MICU2: variants seen among roughly 807,000 people sequenced by gnomAD.
MICU2 encodes the protein mitochondrial calcium uptake 2.
A neutral mutation model predicts 60.4 loss-of-function variants in MICU2; 64 were observed. The ratio of observed to expected loss-of-function variants is 1.06; its 90% CI spans 0.87 to 1.31. The LOEUF is 1.31. MICU2 is among the 50% of genes most tolerant of loss of function. The pLI is 0.00. For synonymous variants in MICU2, 201 were observed against 175.0 expected, an observed-to-expected ratio of 1.15 and a Z score of -1.17; for missense variants, 569 against 531.0, an observed-to-expected ratio of 1.07 and a Z score of -0.70.
At chr13:21,517,778 C>T (rs1323226408) in intron 6 of MICU2, among the ~76,000 whole-genome samples, 2 of 90,980 alleles carry the variant, frequency 2.2e-5, no homozygotes, top group African/African-American at 8.2e-5. Context: ...AGGACACACA[C>T]ACACACACAC....
intron 4 of MICU2, among the ~76,000 whole-genome samples, chr13:21,537,469 C>CT (rs60479087): frequency 8.9e-5 from 11 of 124,070 alleles, no homozygotes; most frequent in African/African-American, 1.8e-4. Flanking sequence ...TTCTTTCTTT[C>CT]TTTTTTTTTT....
intron 2 of MICU2, among the ~76,000 whole-genome samples, chr13:21,563,404 A>G (rs936413917): frequency 4.6e-5 from 7 of 152,192 alleles, no homozygotes; most frequent in African/African-American, 1.4e-4. Flanking sequence ...ACAGTGAGCC[A>G]AGATTGCACC....
At chr13:21,556,581 A>C (rs2138026451) in intron 2 of MICU2, among the ~76,000 whole-genome samples, 1 of 152,294 alleles carries the variant, frequency 6.6e-6, no homozygotes, top group Non-Finnish European at 1.5e-5. Context: ...GTTTTAAAGA[A>C]TGAGACAGTG....
At position 21,519,218 on chromosome 13, in the gene MICU2, G is replaced by A. The variant is rs144426087; in HGVS notation, c.597+2027C>T. ...ATTACAGGCATACGCCACCACGCCC[G>A]GCTAATTTTTTGTATTTTTAGTAGA... On this transcript the variant is annotated intron_variant, in intron 6 of 11. Coordinates refer to ENST00000382374, the MANE Select transcript of MICU2 (RefSeq NM_152726.3). Among the ~76,000 whole-genome samples the A allele has an allele frequency of 4.8e-3, 734 of 152,146 alleles. 3 individuals are homozygous for A. Among genetic ancestry groups the A allele is most frequent in the Middle Eastern group, 0.01 (3 of 294 alleles).
intron 1 of MICU2, among the ~76,000 whole-genome samples, chr13:21,581,481 C>G (rs1332208273): frequency 2.0e-5 from 3 of 152,130 alleles, no homozygotes; most frequent in Non-Finnish European, 4.4e-5. Context: ...TCCCTGAAAT[C>G]TGTGTGAAAC....
intron 4 of MICU2, chr13:21,530,975 T>C: frequency 2.6e-6 from 2 of 780,982 alleles, no homozygotes; most frequent in Non-Finnish European, 4.7e-6. Flanking sequence ...AAATATACAC[T>C]CTGGAAATGA....
intron 1 of MICU2, 142 bp from the exon 2 acceptor site, chr13:21,567,086 T>C: frequency 2.9e-6 from 2 of 679,368 alleles, no homozygotes; most frequent in Non-Finnish European, 4.7e-6. Context: ...AAATATTAAC[T>C]GAGTGCCTAC....
At chr13:21,545,146 C>T (rs1887384601) in intron 2 of MICU2, among the ~76,000 whole-genome samples, 1 of 152,168 alleles carries the variant, frequency 6.6e-6, no homozygotes, top group South Asian at 2.1e-4. Flanking sequence ...AGCATGTTTA[C>T]TGCAGCACTA....
intron 2 of MICU2, among the ~76,000 whole-genome samples, chr13:21,561,316 T>C (rs1200363041): frequency 6.6e-6 from 1 of 152,214 alleles, no homozygotes; most frequent in Non-Finnish European, 1.5e-5. Flanking sequence ...TCCAGTTACT[T>C]GGTGGTGCTG....
At chr13:21,494,309 A>G (rs1885937672) in intron 11 of MICU2, among the ~76,000 whole-genome samples, 1 of 151,990 alleles carries the variant, frequency 6.6e-6, no homozygotes, top group South Asian at 2.1e-4. Flanking sequence ...TTTCTTGCCT[A>G]CCTACCAACC....
intron 4 of MICU2, chr13:21,530,599 A>G: frequency 4.2e-6 from 1 of 238,574 alleles, no homozygotes; most frequent in Non-Finnish European, 8.0e-6. Context: ...CAGGCTGATG[A>G]ATTTATCTCC....
At chr13:21,559,704 T>C (rs1364993283) in intron 2 of MICU2, among the ~76,000 whole-genome samples, 1 of 152,072 alleles carries the variant, frequency 6.6e-6, no homozygotes, top group Non-Finnish European at 1.5e-5. Flanking sequence ...TTTCTATTTT[T>C]AGTAGAGACA....
At chr13:21,530,762 T>C (rs1886974862) in intron 4 of MICU2, 6 of 595,762 alleles carry the variant, frequency 1.0e-5, no homozygotes, top group Admixed American at 7.7e-5. Flanking sequence ...ACCCCAGCCA[T>C]ACCCACCACC....
At chr13:21,512,040 G>C (rs979539922) in intron 7 of MICU2, among the ~76,000 whole-genome samples, 4 of 152,166 alleles carry the variant, frequency 2.6e-5, no homozygotes, top group Non-Finnish European at 5.9e-5. Context: ...AATCCCAGGA[G>C]CACAATCACT....
At chr13:21,563,089 T>C (rs962548977) in intron 2 of MICU2, among the ~76,000 whole-genome samples, 1 of 152,230 alleles carries the variant, frequency 6.6e-6, no homozygotes, top group African/African-American at 2.4e-5. Flanking sequence ...ATTCTTACCA[T>C]TGTTTTTCTA....
intron 8 of MICU2, among the ~76,000 whole-genome samples, chr13:21,509,294 T>C (rs1244901752): frequency 6.6e-6 from 1 of 152,180 alleles, no homozygotes; most frequent in Admixed American, 6.5e-5. Context: ...GATAAAGAAA[T>C]GAGCTTAGGG....
intron 8 of MICU2, among the ~76,000 whole-genome samples, chr13:21,504,218 C>T (rs1435343945): frequency 6.6e-6 from 1 of 151,968 alleles, no homozygotes; most frequent in Admixed American, 6.6e-5. Context: ...ATATACTTTG[C>T]CTTTTATTTT....
At chr13:21,515,562 C>A in intron 6 of MICU2, 1 of 433,838 alleles carries the variant, frequency 2.3e-6, no homozygotes, top group Non-Finnish European at 4.6e-6. Flanking sequence ...TGTATCAATC[C>A]TCATATGGAA....
chr13:21,495,346 C>A, intron 10 of MICU2, 28 bp from the exon 11 acceptor site: 2 of 1,541,578 alleles, frequency 1.3e-6, no homozygotes, highest in South Asian at 2.6e-5. Context: ...AACAACTTAT[C>A]AACTATGTGA....
Sources: gnomAD v4.1 joint callset for allele counts (sites outside exome capture counted in the v4.1 genomes callset) on GRCh38, gnomAD v4.1.1 for gene constraint, MANE v1.5 for transcripts, NCBI Gene and HGNC (gene_info 2026-07-23, HGNC 2026-07-21) for gene names.